FOXP1: variants seen among roughly 807,000 people sequenced by gnomAD.
FOXP1 encodes the protein forkhead box P1, also known as forkhead box protein P1.
FOXP1 carries 15 observed loss-of-function variants against 98.2 expected under a neutral mutation model. The observed-to-expected ratio is 0.15, with a 90% CI of 0.10 to 0.24. The LOEUF (loss-of-function observed/expected upper bound fraction) is 0.24, where lower values mean the gene tolerates loss of function less well. Among genes scored for constraint, FOXP1 ranks in the 10% least tolerant of loss-of-function variants. The pLI is 1.00. For missense variants in FOXP1, 633 were observed against 848.5 expected (o/e 0.75, Z 3.15); for synonymous variants, 371 against 314.5 (o/e 1.18, Z -1.90).
intron 5 of FOXP1, among the ~76,000 whole-genome samples, chr3:71,220,932 T>C (rs1262758749): frequency 3.7e-4 from 56 of 151,664 alleles, no homozygotes; most frequent in Non-Finnish European, 6.9e-4. Flanking sequence ...TTTTTTTTCT[T>C]TTAAAGAAGA....
intron 5 of FOXP1, among the ~76,000 whole-genome samples, chr3:71,289,365 A>G (rs2072511845): frequency 6.7e-6 from 1 of 149,336 alleles, no homozygotes; most frequent in Admixed American, 6.7e-5. Context: ...CTAGAGACAG[A>G]GTCACTATAG....
chr3:71,407,542 C>A (rs1488122547), intron 3 of FOXP1, among the ~76,000 whole-genome samples: 1 of 152,074 alleles, frequency 6.6e-6, no homozygotes, highest in Non-Finnish European at 1.5e-5. Context: ...AAACATATGG[C>A]CTGAGGATTG....
At chr3:71,110,230 A>C (rs1176437135) in intron 7 of FOXP1, among the ~76,000 whole-genome samples, 1 of 152,214 alleles carries the variant, frequency 6.6e-6, no homozygotes, top group Non-Finnish European at 1.5e-5. Flanking sequence ...CTTGGAAAAG[A>C]AGTTACCTAA....
intron 17 of FOXP1, 132 bp downstream of exon 17, chr3:70,976,809 T>C (rs2037660830): frequency 1.4e-6 from 1 of 697,286 alleles, no homozygotes; most frequent in Non-Finnish European, 2.6e-6. Context: ...CAAATACACC[T>C]AGAGATTGGA....
intron 2 of FOXP1, among the ~76,000 whole-genome samples, chr3:71,569,438 C>A (rs2047162307): frequency 6.6e-6 from 1 of 152,030 alleles, no homozygotes; most frequent in Non-Finnish European, 1.5e-5. Context: ...TATAGTGCTG[C>A]CCTCAAAGAA....
At chr3:71,579,632 C>CTTTTTTTT (rs35646548) in intron 2 of FOXP1, among the ~76,000 whole-genome samples, 1,102 of 122,300 alleles carry the variant, frequency 9.0e-3, no homozygotes, top group Non-Finnish European at 0.012. Context: ...TTTCTTTTTT[C>CTTTTTTTT]TTTTTTTTTT....
At chr3:71,120,818 A>G (rs2058706035) in intron 6 of FOXP1, among the ~76,000 whole-genome samples, 1 of 152,210 alleles carries the variant, frequency 6.6e-6, no homozygotes, top group Non-Finnish European at 1.5e-5. Context: ...GGTTTCACAT[A>G]TACTTACAGA....
chr3:71,086,388 GA>G (rs1306087065), intron 7 of FOXP1, among the ~76,000 whole-genome samples: 4 of 152,174 alleles, frequency 2.6e-5, no homozygotes, highest in African/African-American at 9.7e-5. Flanking sequence ...AGCATCCCAT[GA>G]AAGGGGATCT....
Position 70,970,534 on chromosome 3 carries a change from A to G in FOXP1, c.1722+202T>C, listed in dbSNP as rs537281029. The G allele has an allele frequency of 3.3e-5, 19 of 581,056 alleles. No homozygotes were observed. The Admixed American group carries it at 4.5e-4, about 14-fold the overall frequency. 36.0% of individuals were successfully genotyped at this position (581,056 alleles called of 1,614,324 possible). On this transcript the variant is annotated intron_variant, in intron 19 of 20. Transcript: ENST00000649528. ...GTGAACTTTTAATTTTTTTGCCACA[A>G]TATTCAAAATGCTAAGCATCCCGCT... is the stretch of plus-strand genomic sequence containing the variant.
intron 2 of FOXP1, among the ~76,000 whole-genome samples, chr3:71,523,286 T>C (rs2043126287): frequency 6.6e-6 from 1 of 152,190 alleles, no homozygotes; most frequent in Admixed American, 6.5e-5. Flanking sequence ...GTCTTGGACT[T>C]CTTGGCTCTA....
At chr3:71,391,886 T>G (rs1410978940) in intron 3 of FOXP1, among the ~76,000 whole-genome samples, 1 of 152,200 alleles carries the variant, frequency 6.6e-6, no homozygotes, top group Non-Finnish European at 1.5e-5. Context: ...ACACTTTTAC[T>G]ACATTTGTCC....
intron 5 of FOXP1, among the ~76,000 whole-genome samples, chr3:71,223,121 C>A (rs2108512362): frequency 6.6e-6 from 1 of 152,292 alleles, no homozygotes. Flanking sequence ...CAAGTCACTC[C>A]CTTGCCAGGA....
chr3:71,374,386 G>T (rs924042854), intron 3 of FOXP1, among the ~76,000 whole-genome samples: 3 of 152,164 alleles, frequency 2.0e-5, no homozygotes, highest in Admixed American at 2.0e-4. Context: ...TTGAGGTCAG[G>T]AGTTTGAGGC....
chr3:71,200,717 A>C (rs918508695), intron 5 of FOXP1, among the ~76,000 whole-genome samples: 1 of 152,258 alleles, frequency 6.6e-6, no homozygotes, highest in Non-Finnish European at 1.5e-5. Flanking sequence ...GTGGAAGGAC[A>C]TATGTACAAC....
intron 3 of FOXP1, among the ~76,000 whole-genome samples, chr3:71,391,598 T>C (rs1241593019): frequency 6.6e-6 from 1 of 152,202 alleles, no homozygotes; most frequent in Admixed American, 6.5e-5. Context: ...TTGCAGCCAA[T>C]GGTAAACAGG....
chr3:71,440,977 A>G (rs2085881070), intron 3 of FOXP1, among the ~76,000 whole-genome samples: 1 of 152,230 alleles, frequency 6.6e-6, no homozygotes, highest in African/African-American at 2.4e-5. Context: ...TTAAATGGAA[A>G]GCATGCACCA....
At chr3:71,297,178 G>C (rs992187959) in intron 5 of FOXP1, among the ~76,000 whole-genome samples, 12 of 152,160 alleles carry the variant, frequency 7.9e-5, no homozygotes, top group African/African-American at 2.9e-4. Context: ...TTATGATCAA[G>C]TAATTTTACA....
At chr3:71,248,062 C>G (rs1576582853) in intron 5 of FOXP1, among the ~76,000 whole-genome samples, 2 of 152,180 alleles carry the variant, frequency 1.3e-5, no homozygotes, top group East Asian at 3.9e-4. Flanking sequence ...ACAATGCTCA[C>G]AGAGAACAGG....
At chr3:71,452,570 C>G (rs972007230) in intron 3 of FOXP1, among the ~76,000 whole-genome samples, 1 of 152,116 alleles carries the variant, frequency 6.6e-6, no homozygotes, top group Non-Finnish European at 1.5e-5. Context: ...AAAGGAGGCT[C>G]TTGTTGTATT....
Sources: gnomAD v4.1 joint callset for allele counts (sites outside exome capture counted in the v4.1 genomes callset) on GRCh38, gnomAD v4.1.1 for gene constraint, MANE v1.5 for transcripts, NCBI Gene and HGNC (gene_info 2026-07-23, HGNC 2026-07-21) for gene names.